Variants in LARGE1 observed in about 807,000 individuals in gnomAD.
LARGE1 encodes the protein xylosyl- and glucuronyltransferase LARGE1.
In LARGE1, 43 loss-of-function variants were observed where a neutral mutation model predicts 87.6. That is an observed-to-expected ratio of 0.49 (90% CI 0.38 to 0.63). The LOEUF (loss-of-function observed/expected upper bound fraction) is 0.63. Ranked by LOEUF, LARGE1 falls within the 30% of genes least tolerant of loss-of-function variation. The pLI is 0.00. For synonymous variants in LARGE1, 434 were observed against 394.6 expected (o/e 1.10, Z -1.18); for missense variants, 802 against 1,000.2 (o/e 0.80, Z 2.67).
At chr22:33,814,427 G>T (rs2086590012) in intron 1 of LARGE1, among the ~76,000 whole-genome samples, 1 of 152,186 alleles carries the variant, frequency 6.6e-6, no homozygotes, top group Admixed American at 6.5e-5. Context: ...ATGGTCCCCA[G>T]TTACTTAATC....
intron 1 of LARGE1, among the ~76,000 whole-genome samples, chr22:33,880,544 A>C (rs1189602602): frequency 6.6e-6 from 1 of 152,060 alleles, no homozygotes; most frequent in African/African-American, 2.4e-5. Context: ...TGAAGGGTAC[A>C]CTCTTACCTG....
At chr22:33,849,012 A>G (rs146136851) in intron 1 of LARGE1, among the ~76,000 whole-genome samples, 2,193 of 152,168 alleles carry the variant, frequency 0.014, 23 homozygotes, top group Non-Finnish European at 0.022. Flanking sequence ...CTTCATCTGC[A>G]CTCCGTCCCA....
chr22:33,695,666 C>A (rs1303428485), intron 2 of LARGE1, among the ~76,000 whole-genome samples: 1 of 152,160 alleles, frequency 6.6e-6, no homozygotes, highest in Non-Finnish European at 1.5e-5. Flanking sequence ...GTCAGCAGCA[C>A]ATTACTTCCT....
intron 6 of LARGE1, among the ~76,000 whole-genome samples, chr22:33,525,725 G>T (rs1239734111): frequency 6.6e-6 from 1 of 152,118 alleles, no homozygotes; most frequent in Non-Finnish European, 1.5e-5. Context: ...GCTTCTGCAG[G>T]TCTTGACTCC....
chr22:33,922,513 A>G (rs1275264119), upstream of LARGE1: 2 of 152,060 alleles, frequency 1.3e-5, no homozygotes, highest in Non-Finnish European at 2.9e-5. Context: ...GCAGAATGCG[A>G]AAGGGAGGCA....
At chr22:33,433,116 A>G (rs1354879937) in intron 6 of LARGE1, among the ~76,000 whole-genome samples, 1 of 152,138 alleles carries the variant, frequency 6.6e-6, no homozygotes, top group Non-Finnish European at 1.5e-5. Flanking sequence ...ATTATTACCA[A>G]TACCATTTCA....
intron 10 of LARGE1, chr22:33,322,694 AG>A (rs1936865126): frequency 6.6e-6 from 1 of 152,250 alleles, no homozygotes; most frequent in South Asian, 2.1e-4. Context: ...GGCCACCTCC[AG>A]CTCTGAACTT....
At chr22:33,838,171 A>C (rs1420043032) in intron 1 of LARGE1, among the ~76,000 whole-genome samples, 1 of 152,184 alleles carries the variant, frequency 6.6e-6, no homozygotes, top group Non-Finnish European at 1.5e-5. Context: ...GGGCTAAAGG[A>C]AGACAGACTG....
chr22:33,614,210 T>C (rs894579348), intron 4 of LARGE1, among the ~76,000 whole-genome samples: 2 of 152,210 alleles, frequency 1.3e-5, no homozygotes, highest in East Asian at 1.9e-4. Context: ...CTTACAGTTA[T>C]TGTCAGATCG....
At chr22:33,248,817 T>C (rs776731598) in intron 11 of LARGE1, among the ~76,000 whole-genome samples, 7 of 152,234 alleles carry the variant, frequency 4.6e-5, no homozygotes, top group Non-Finnish European at 7.3e-5. Context: ...CACAGGCTTT[T>C]CAGACTGGCA....
chr22:33,330,763 C>T (rs8138543), intron 10 of LARGE1, among the ~76,000 whole-genome samples: 64,227 of 152,028 alleles, frequency 0.42, 14,205 homozygotes, highest in African/African-American at 0.57. Context: ...CTAGAGCAAG[C>T]AGCCCAACCA....
At chr22:33,518,481 G>GT (rs1215436925) in intron 6 of LARGE1, among the ~76,000 whole-genome samples, 1 of 152,180 alleles carries the variant, frequency 6.6e-6, no homozygotes, top group African/African-American at 2.4e-5. Context: ...GCTAATTTTT[G>GT]TATTTTTAGC....
chr22:33,465,776 A>G (rs2068582579), intron 6 of LARGE1, among the ~76,000 whole-genome samples: 1 of 152,238 alleles, frequency 6.6e-6, no homozygotes, highest in African/African-American at 2.4e-5. Flanking sequence ...GCTGAGTGAC[A>G]GTGACTCCAT....
chr22:33,799,999 C>T (rs770408861), intron 1 of LARGE1, among the ~76,000 whole-genome samples: 5 of 152,182 alleles, frequency 3.3e-5, no homozygotes, highest in South Asian at 4.1e-4. Flanking sequence ...CGCTGTCCCA[C>T]GCACTTATGG....
chr22:33,210,725 C>T (rs1265682407), intron 11 of LARGE1, among the ~76,000 whole-genome samples: 1 of 152,256 alleles, frequency 6.6e-6, no homozygotes, highest in Non-Finnish European at 1.5e-5. Flanking sequence ...CACGGGCTCA[C>T]CTGGCCTGGT....
At chr22:33,274,872 T>G (rs1416585091) in intron 14 of LARGE1, among the ~76,000 whole-genome samples, 1 of 152,146 alleles carries the variant, frequency 6.6e-6, no homozygotes, top group African/African-American at 2.4e-5. Context: ...AATAATATTC[T>G]TGAATGATGA....
chr22:33,198,219 G>T (rs1039600807), intron 11 of LARGE1, among the ~76,000 whole-genome samples: 5 of 152,088 alleles, frequency 3.3e-5, no homozygotes, highest in Non-Finnish European at 7.4e-5. Context: ...CGTATTAAGA[G>T]AAAAATACTA....
chr22:33,180,573 A>G (rs1009905078), intron 11 of LARGE1, among the ~76,000 whole-genome samples: 5 of 152,260 alleles, frequency 3.3e-5, no homozygotes, highest in African/African-American at 1.2e-4. Context: ...ACTCCTAGGC[A>G]TAGAGCCAAG....
chr22:33,536,630 C>A (rs141276307), intron 6 of LARGE1, among the ~76,000 whole-genome samples: 2 of 152,190 alleles, frequency 1.3e-5, no homozygotes, highest in African/African-American at 4.8e-5. Flanking sequence ...CCTTATGATG[C>A]GTCACAGAGT....
Sources: allele counts gnomAD v4.1 joint callset (sites outside exome capture counted in the v4.1 genomes callset), GRCh38; gene constraint gnomAD v4.1.1; transcripts MANE v1.5; gene names NCBI Gene and HGNC (gene_info 2026-07-23, HGNC 2026-07-21).